THSD4: variants seen among roughly 807,000 people sequenced by gnomAD.
THSD4 encodes thrombospondin type 1 domain containing 4.
THSD4 carries 69 observed loss-of-function variants against 119.0 expected under a neutral mutation model. That is an observed-to-expected ratio of 0.58 (90% CI 0.48 to 0.71). THSD4 has a LOEUF of 0.71. THSD4 is among the 30% of genes least tolerant of loss of function. The pLI is 0.00. For synonymous variants in THSD4, 524 were observed against 540.4 expected, an observed-to-expected ratio of 0.97 and a Z score of 0.42; for missense variants, 1,393 against 1,391.1, an observed-to-expected ratio of 1.00 and a Z score of -0.02.
intron 7 of THSD4, among the ~76,000 whole-genome samples, chr15:71,535,763 G>A (rs772246710): frequency 3.9e-5 from 6 of 152,198 alleles, no homozygotes; most frequent in South Asian, 2.1e-4. Context: ...CAAACCTTTT[G>A]CCCATTTTTA....
intron 6 of THSD4, among the ~76,000 whole-genome samples, chr15:71,385,157 TC>T (rs1303662830): frequency 6.6e-6 from 1 of 152,144 alleles, no homozygotes; most frequent in African/African-American, 2.4e-5. Flanking sequence ...TTTCGTGACT[TC>T]CGAACCCAAT....
chr15:71,351,033 G>A (rs951286793), intron 6 of THSD4, among the ~76,000 whole-genome samples: 2 of 152,192 alleles, frequency 1.3e-5, no homozygotes, highest in African/African-American at 2.4e-5. Context: ...TTGGGGTACC[G>A]ATGACCTCTG....
intron 7 of THSD4, among the ~76,000 whole-genome samples, chr15:71,516,522 C>T (rs2048364063): frequency 6.6e-6 from 1 of 152,144 alleles, no homozygotes; most frequent in Non-Finnish European, 1.5e-5. Context: ...AAGTCATTTG[C>T]CAATCTTCAG....
At chr15:71,538,448 T>G (rs1277028067) in intron 7 of THSD4, among the ~76,000 whole-genome samples, 1 of 152,228 alleles carries the variant, frequency 6.6e-6, no homozygotes, top group Non-Finnish European at 1.5e-5. Context: ...CGCTGGTTGT[T>G]TTTGCCACTG....
intron 7 of THSD4, among the ~76,000 whole-genome samples, chr15:71,626,195 A>T (rs1192446642): frequency 6.6e-6 from 1 of 152,040 alleles, no homozygotes; most frequent in South Asian, 2.1e-4. Context: ...GTAACTTGCA[A>T]TCTTTTGGTA....
chr15:71,744,860 T>C (rs577028136), intron 11 of THSD4, among the ~76,000 whole-genome samples: 1 of 152,298 alleles, frequency 6.6e-6, no homozygotes, highest in South Asian at 2.1e-4. Context: ...TGTCCACAAA[T>C]AGATTATTGA....
At position 71,603,968 on chromosome 15, in the gene THSD4, A is replaced by G. The variant is rs563969825; in HGVS notation, c.1153-56562A>G. ...ACTGAATATGGGCAAGAATTAGAAG[A>G]AAGAAAAAATAGCCTTGGCCACAGA... On this transcript the variant is annotated intron_variant, in intron 7 of 17. Transcript: ENST00000261862. Among the ~76,000 whole-genome samples, 4 of 152,334 alleles carry G rather than the reference A, an allele frequency of 2.6e-5. No homozygotes were observed. The East Asian group carries it at 7.7e-4, about 29-fold the overall frequency.
intron 7 of THSD4, among the ~76,000 whole-genome samples, chr15:71,480,067 C>T (rs554489306): frequency 5.3e-5 from 8 of 152,254 alleles, no homozygotes; most frequent in Admixed American, 2.0e-4. Flanking sequence ...GCTAGGGTCT[C>T]GCTCTGTCAC....
At chr15:71,506,841 C>T (rs1330716344) in intron 7 of THSD4, among the ~76,000 whole-genome samples, 1 of 152,332 alleles carries the variant, frequency 6.6e-6, no homozygotes, top group Admixed American at 6.5e-5. Context: ...TGTTCTGTTA[C>T]AACTTGTGTT....
intron 2 of THSD4, among the ~76,000 whole-genome samples, chr15:71,153,616 G>A (rs1161388563): frequency 6.6e-6 from 1 of 152,106 alleles, no homozygotes; most frequent in Non-Finnish European, 1.5e-5. Flanking sequence ...TCTTAGAAAT[G>A]GTGGAAGCTT....
At position 71,746,947 on chromosome 15, in the gene THSD4, C is replaced by T; in HGVS notation, c.2146C>T (p.Pro716Ser). 1 of 1,613,868 alleles carries T rather than the reference C, an allele frequency of 6.2e-7. No individual in the cohort carries two copies. Among genetic ancestry groups the T allele is most frequent in the African/African-American group, 1.3e-5 (1 of 75,056 alleles). Residue 716 changes from proline (P) to serine (S), a missense_variant, in exon 13 of 18, where the codon CCC becomes TCC. Coordinates refer to ENST00000261862, the MANE Select transcript of THSD4 (RefSeq NM_024817.3). Reference sequence around the variant, plus strand: ...CGCCAACCGCAGCCTGACGGTGCAGCCCTACCGCTGCCAGCACCTGGAGAA... The same window carrying T: ...CGCCAACCGCAGCCTGACGGTGCAGTCCTACCGCTGCCAGCACCTGGAGAA... ...VYANRSLTVQ[P>S]YRCQHLEKPE... is the part of the protein sequence containing the mutation.
chr15:71,235,028 A>T (rs1057175432), intron 4 of THSD4, among the ~76,000 whole-genome samples: 1 of 152,140 alleles, frequency 6.6e-6, no homozygotes, highest in African/African-American at 2.4e-5. Flanking sequence ...GTCTATAAAA[A>T]CCTTTTTAAA....
chr15:71,595,310 G>A (rs749273490), intron 7 of THSD4, among the ~76,000 whole-genome samples: 2 of 152,208 alleles, frequency 1.3e-5, no homozygotes, highest in Non-Finnish European at 2.9e-5. Context: ...GAATTCCCAT[G>A]TGTTGTGGAG....
Position 71,292,005 on chromosome 15 carries a change from C to T in THSD4, c.1015+35290C>T, listed in dbSNP as rs1003398970. On this transcript the variant is annotated intron_variant, in intron 6 of 17. Coordinates refer to ENST00000261862, the MANE Select transcript of THSD4 (RefSeq NM_024817.3). ...TCTAATAGCTTCTCAAGAAAGGGTG[C>T]GAGGGAAGTATTGTTTTAGCTTCTG... Among the ~76,000 whole-genome samples the T allele has an allele frequency of 2.6e-4, 39 of 152,158 alleles. 2 individuals are homozygous for T. The highest frequency in any genetic ancestry group is 6.2e-4 in the South Asian group (3 of 4,808).
chr15:71,119,539 G>A (rs1287402430), intron 1 of THSD4, among the ~76,000 whole-genome samples: 1 of 152,178 alleles, frequency 6.6e-6, no homozygotes, highest in African/African-American at 2.4e-5. Context: ...GCCAGGAAGA[G>A]GGTCCTCTCT....
intron 4 of THSD4, among the ~76,000 whole-genome samples, chr15:71,238,783 G>A (rs956912362): frequency 2.6e-5 from 4 of 152,126 alleles, no homozygotes; most frequent in Non-Finnish European, 5.9e-5. Flanking sequence ...ACAAATGTAT[G>A]TTTTCATTTC....
chr15:71,383,187 C>A (rs1419163905), intron 6 of THSD4, among the ~76,000 whole-genome samples: 1 of 152,162 alleles, frequency 6.6e-6, no homozygotes, highest in African/African-American at 2.4e-5. Context: ...TGGTTTTGGA[C>A]CCTGTAATTT....
intron 7 of THSD4, among the ~76,000 whole-genome samples, chr15:71,499,813 G>A (rs2048084075): frequency 6.6e-6 from 1 of 152,098 alleles, no homozygotes; most frequent in Non-Finnish European, 1.5e-5. Context: ...TTATCCATTT[G>A]TAGCATATGA....
intron 8 of THSD4, among the ~76,000 whole-genome samples, chr15:71,671,993 TTAAAG>T (rs1462009898): frequency 6.6e-6 from 1 of 152,192 alleles, no homozygotes; most frequent in Non-Finnish European, 1.5e-5. Flanking sequence ...CATATGAACT[TTAAAG>T]TAGTTTTTTC....
Sources: gnomAD v4.1 joint callset for allele counts (sites outside exome capture counted in the v4.1 genomes callset) on GRCh38, gnomAD v4.1.1 for gene constraint, MANE v1.5 for transcripts, NCBI Gene and HGNC (gene_info 2026-07-23, HGNC 2026-07-21) for gene names.